The following BRAF variants were observed in gnomAD, a reference collection of about 807,000 sequenced individuals.
The protein encoded by BRAF is serine/threonine-protein kinase B-raf.
Under a neutral mutation model 104.6 loss-of-function variants are expected in BRAF, and 16 were observed. That is an observed-to-expected ratio of 0.15 (90% CI 0.10 to 0.23). The LOEUF (loss-of-function observed/expected upper bound fraction) is 0.23. Ranked by LOEUF, BRAF falls within the 10% of genes least tolerant of loss-of-function variation. The pLI, the probability that BRAF is intolerant of heterozygous loss-of-function variation, is 1.00. For synonymous variants in BRAF, 310 were observed against 341.6 expected (o/e 0.91, Z 1.02); for missense variants, 541 against 937.3 (o/e 0.58, Z 5.52).
At chr7:140,882,256 A>C (rs1050319456) in intron 1 of BRAF, among the ~76,000 whole-genome samples, 8 of 152,320 alleles carry the variant, frequency 5.3e-5, no homozygotes, top group African/African-American at 1.9e-4. Context: ...CCAACCTAAT[A>C]TTTAAAATGT....
intron 14 of BRAF, among the ~76,000 whole-genome samples, chr7:140,774,283 T>C (rs186061435): frequency 6.6e-6 from 1 of 152,348 alleles, no homozygotes; most frequent in Admixed American, 6.5e-5. Flanking sequence ...TCATGTTAAA[T>C]GGTAAGATCT....
chr7:140,758,069 T>C (rs913975966), intron 14 of BRAF: 1 of 152,240 alleles, frequency 6.6e-6, no homozygotes, highest in Non-Finnish European at 1.5e-5. Flanking sequence ...TTTTCAAGTA[T>C]TTTAAACTCT....
intron 17 of BRAF, 94 bp from the exon 17 acceptor site, chr7:140,740,040 T>G: frequency 1.5e-6 from 2 of 1,350,752 alleles, no homozygotes; most frequent in Non-Finnish European, 2.1e-6. Context: ...GCTGTACATT[T>G]ACAGCTTACG....
At chr7:140,755,795 A>G (rs1798153152) in intron 14 of BRAF, among the ~76,000 whole-genome samples, 1 of 152,022 alleles carries the variant, frequency 6.6e-6, no homozygotes, top group African/African-American at 2.4e-5. Context: ...TCTCCATTAG[A>G]AAGAAAGGGG....
At chr7:140,713,404 G>A in the BRAF span, among the ~76,000 whole-genome samples, 2 of 151,816 alleles carry the variant, frequency 1.3e-5, no homozygotes, top group African/African-American at 2.4e-5. Context: ...TGATCGAATC[G>A]GCTACTGAGG....
intron 1 of BRAF, among the ~76,000 whole-genome samples, chr7:140,873,846 A>C (rs1811889442): frequency 2.6e-5 from 4 of 152,210 alleles, no homozygotes; most frequent in African/African-American, 9.6e-5. Context: ...CCTGATACAC[A>C]GATAGACACA....
At chr7:140,884,429 A>ATGTGTGTGTGTGTGTGTGTG (rs71170770) in intron 1 of BRAF, among the ~76,000 whole-genome samples, 57 of 127,526 alleles carry the variant, frequency 4.5e-4, no homozygotes, top group East Asian at 1.1e-3. Context: ...TATATAAGAT[A>ATGTGTGTGTGTGTGTGTGTG]TGTGTGTGTG....
intron 1 of BRAF, among the ~76,000 whole-genome samples, chr7:140,923,835 G>A (rs1015324265): frequency 1.3e-5 from 2 of 152,174 alleles, no homozygotes; most frequent in Non-Finnish European, 2.9e-5. Flanking sequence ...GGGTTAGAAG[G>A]CAGGCAGGTC....
At position 140,725,200 on chromosome 7, in the gene BRAF, A is replaced by T. The variant is rs55702309; in HGVS notation, c.*1294T>A. On this transcript the variant is annotated 3_prime_UTR_variant, in exon 20 of 20. Transcript: ENST00000644969. ...TATTCTAGATAAAAGACTAGAAAGA[A>T]GATGTGGGATATAGTGTTAGGAATC... The T allele has an allele frequency of 7.8e-4, 812 of 1,043,514 alleles. 5 individuals are homozygous for T. The African/African-American group carries it at 0.012, about 16-fold the overall frequency. 64.6% of individuals were successfully genotyped at this position (1,043,514 alleles called of 1,614,324 possible).
intron 14 of BRAF, among the ~76,000 whole-genome samples, chr7:140,764,352 G>A (rs1324803754): frequency 2.7e-5 from 4 of 150,868 alleles, no homozygotes; most frequent in African/African-American, 4.9e-5. Flanking sequence ...TACTGAATGG[G>A]CAAAAACTGG....
rs541565554 is a variant in BRAF at position 140,723,136 on chromosome 7, G to C, written c.*3358C>G. 9.5e-7 allele frequency: 1 copy of C among 1,052,398 alleles called. No individual in the cohort carries two copies. Among genetic ancestry groups the C allele is most frequent in the African/African-American group, 1.7e-5 (1 of 60,396 alleles). The allele number at this position is 1,052,398 out of a possible 1,614,324, so 65.2% of individuals were successfully genotyped here. ...AATGTGGTTTCGAACTAAAGCTAGA[G>C]ATGAGGTTTGCAAGCAGCTGGCGGG... On this transcript the variant is annotated 3_prime_UTR_variant, in exon 20 of 20. Transcript: ENST00000644969.
At chr7:140,799,303 C>T (rs1334878561) in intron 7 of BRAF, 2 of 232,668 alleles carry the variant, frequency 8.6e-6, no homozygotes, top group East Asian at 1.2e-4. Flanking sequence ...TCAGTTTTCA[C>T]TACCAACAAC....
At chr7:140,848,394 G>A (rs1808796280) in intron 2 of BRAF, among the ~76,000 whole-genome samples, 1 of 152,180 alleles carries the variant, frequency 6.6e-6, no homozygotes, top group Admixed American at 6.5e-5. Flanking sequence ...CTTGCTCAAA[G>A]TAACTATAAG....
intron 14 of BRAF, among the ~76,000 whole-genome samples, chr7:140,769,426 C>T (rs376868622): frequency 6.6e-6 from 1 of 152,286 alleles, no homozygotes; most frequent in East Asian, 1.9e-4. Context: ...GAGATAATCA[C>T]TATGTTACTT....
At chr7:140,876,221 T>G (rs537768174) in intron 1 of BRAF, among the ~76,000 whole-genome samples, 31 of 152,328 alleles carry the variant, frequency 2.0e-4, no homozygotes, top group African/African-American at 7.0e-4. Flanking sequence ...TGGACCATAA[T>G]CCATTTAAAG....
At chr7:140,828,289 C>A (rs112247282) in intron 3 of BRAF, among the ~76,000 whole-genome samples, 1 of 152,012 alleles carries the variant, frequency 6.6e-6, no homozygotes, top group African/African-American at 2.4e-5. Flanking sequence ...ATTCTTAGTT[C>A]GCAGGCCATA....
intron 2 of BRAF, among the ~76,000 whole-genome samples, chr7:140,840,413 A>G (rs1032473323): frequency 4.6e-5 from 7 of 151,736 alleles, no homozygotes; most frequent in African/African-American, 1.7e-4. Flanking sequence ...TTGTACTTCA[A>G]AAGACAAAAT....
chr7:140,758,692 C>T lies in BRAF; in HGVS notation c.1815-4459G>A, dbSNP rs185881470. ...CTGGTCTTGAACTCCTGGGCTCAAGCCATCCTCCCACCTCGGCCTCCCGAA... is the reference window on the plus strand; with the variant it reads ...CTGGTCTTGAACTCCTGGGCTCAAGTCATCCTCCCACCTCGGCCTCCCGAA... On this transcript the variant is annotated intron_variant, in intron 14 of 19. Coordinates refer to ENST00000644969, the MANE Select transcript of BRAF (RefSeq NM_001374258.1). Among the ~76,000 whole-genome samples the T allele has an allele frequency of 4.4e-4, 67 of 152,276 alleles. 2 individuals carry two copies. Among genetic ancestry groups the T allele is most frequent in the South Asian group, 8.3e-4 (4 of 4,826 alleles).
At position 140,906,013 on chromosome 7, in the gene BRAF, G is replaced by A. The variant is rs13223285; in HGVS notation, c.138+18553C>T. Among the ~76,000 whole-genome samples the A allele has an allele frequency of 1.4e-4, 19 of 140,576 alleles. No individual in the cohort carries two copies. In the South Asian group the frequency reaches 1.9e-3, roughly 14 times the overall value. 92.2% of individuals were successfully genotyped at this position (140,576 alleles called of 152,430 possible). On this transcript the variant is annotated intron_variant, in intron 1 of 19. Coordinates refer to ENST00000644969, the MANE Select transcript of BRAF (RefSeq NM_001374258.1). ...TGAGGCAGGAGAATGGCGTGAACCC[G>A]GGAGGCGGAGCTTGCAGTGAGCCGA...
Sources: allele counts gnomAD v4.1 joint callset (sites outside exome capture counted in the v4.1 genomes callset), GRCh38; gene constraint gnomAD v4.1.1; transcripts MANE v1.5; gene names NCBI Gene and HGNC (gene_info 2026-07-23, HGNC 2026-07-21).